NCKAP5: variants seen among roughly 807,000 people sequenced by gnomAD.
NCKAP5 encodes the protein NCK associated protein 5.
NCKAP5 carries 92 observed loss-of-function variants against 167.0 expected under a neutral mutation model. The observed-to-expected ratio is 0.55, with a 90% CI of 0.47 to 0.66. NCKAP5 has a LOEUF of 0.66. Ranked by LOEUF, NCKAP5 falls within the 30% of genes least tolerant of loss-of-function variation. NCKAP5 has a pLI of 0.00. For missense variants in NCKAP5, 2,378 were observed against 2,315.0 expected, an observed-to-expected ratio of 1.03 and a Z score of -0.56; for synonymous variants, 891 against 877.4, an observed-to-expected ratio of 1.02 and a Z score of -0.27.
chr2:133,067,133 G>A (rs1295157904), intron 6 of NCKAP5, among the ~76,000 whole-genome samples: 5 of 152,064 alleles, frequency 3.3e-5, no homozygotes, highest in African/African-American at 7.2e-5. Context: ...TCAAAGTGCT[G>A]GGATTACAGG....
Position 133,175,498 on chromosome 2 carries a change from T to G in NCKAP5, c.207+38218A>C, listed in dbSNP as rs1321878197. 3.3e-5 allele frequency among the ~76,000 whole-genome samples: 5 copies of G among 152,218 alleles called. 1 individual carries two copies. Among genetic ancestry groups the G allele is most frequent in the Admixed American group, 6.5e-5 (1 of 15,288 alleles). On this transcript the variant is annotated intron_variant, in intron 5 of 19. Transcript: ENST00000409261. ...TCTTTTCCTCTAGTACTTAGTTTCA[T>G]GTACTGTTCTTCACAGTGATTTGAA...
chr2:132,697,622 A>C (rs1360729080), intron 19 of NCKAP5, among the ~76,000 whole-genome samples: 1 of 148,072 alleles, frequency 6.8e-6, no homozygotes, highest in Non-Finnish European at 1.5e-5. Context: ...TTTTTTTTCC[A>C]TGTCCTGAAG....
the NCKAP5 span, among the ~76,000 whole-genome samples, chr2:133,646,836 G>A: frequency 2.0e-5 from 3 of 152,094 alleles, no homozygotes; most frequent in Non-Finnish European, 4.4e-5. Context: ...ATAATATAAC[G>A]TATGTAGGGA....
intron 3 of NCKAP5, among the ~76,000 whole-genome samples, chr2:133,401,208 T>C (rs1423513839): frequency 6.6e-6 from 1 of 152,216 alleles, no homozygotes; most frequent in African/African-American, 2.4e-5. Context: ...AGTGAACGCA[T>C]TGAGGTTCTG....
intron 6 of NCKAP5, among the ~76,000 whole-genome samples, chr2:133,128,891 T>C (rs34133481): frequency 0.2 from 30,428 of 151,480 alleles, 3,268 homozygotes; most frequent in Non-Finnish European, 0.24. Flanking sequence ...AACCACTGCG[T>C]CTGGCCACAT....
chr2:133,297,141 C>T (rs1269761467), intron 4 of NCKAP5, among the ~76,000 whole-genome samples: 3 of 150,260 alleles, frequency 2.0e-5, no homozygotes, highest in African/African-American at 4.9e-5. Context: ...TGTGTTTCAA[C>T]CTGAACTAGT....
chr2:133,561,649 G>A lies in NCKAP5; in HGVS notation c.-129-2532C>T, dbSNP rs547610001. Reference sequence around the variant, plus strand: ...AAATATGAGTAACTGGCTGTAATGAGAATAAAAGAAACATTGGAGGCAGGC... The same window carrying A: ...AAATATGAGTAACTGGCTGTAATGAAAATAAAAGAAACATTGGAGGCAGGC... On this transcript the variant is annotated intron_variant, in intron 1 of 19. Transcript: ENST00000409261. Among the ~76,000 whole-genome samples the A allele has an allele frequency of 5.9e-5, 9 of 152,228 alleles. No homozygotes were observed. In the South Asian group the frequency reaches 1.7e-3, roughly 28 times the overall value.
chr2:133,081,039 C>T (rs1023224708), intron 6 of NCKAP5, among the ~76,000 whole-genome samples: 4 of 152,156 alleles, frequency 2.6e-5, no homozygotes, highest in Admixed American at 6.5e-5. Context: ...CCAGGTGGGA[C>T]TCCATCCAAA....
chr2:133,605,461 T>A, the NCKAP5 span, among the ~76,000 whole-genome samples: 1 of 151,802 alleles, frequency 6.6e-6, no homozygotes, highest in East Asian at 1.9e-4. Context: ...CTAAAGGGGA[T>A]GAAGACCCGG....
intron 4 of NCKAP5, among the ~76,000 whole-genome samples, chr2:133,238,284 G>GGA (rs1416240906): frequency 1.3e-5 from 2 of 152,242 alleles, no homozygotes; most frequent in Middle Eastern, 3.4e-3. Context: ...TGAGGCTCCT[G>GGA]GAGAGAAATA....
intron 11 of NCKAP5, among the ~76,000 whole-genome samples, chr2:132,848,495 G>A (rs982623382): frequency 2.0e-5 from 3 of 152,116 alleles, no homozygotes; most frequent in African/African-American, 7.2e-5. Flanking sequence ...AAGGCTTATT[G>A]GAACACATCT....
intron 3 of NCKAP5, among the ~76,000 whole-genome samples, chr2:133,373,210 C>A (rs1685914057): frequency 6.6e-6 from 1 of 152,060 alleles, no homozygotes; most frequent in Non-Finnish European, 1.5e-5. Context: ...CAGGTGTGGC[C>A]ACCATGCCTG....
At chr2:133,616,737 G>C in the NCKAP5 span, among the ~76,000 whole-genome samples, 1 of 151,896 alleles carries the variant, frequency 6.6e-6, no homozygotes, top group African/African-American at 2.4e-5. Flanking sequence ...GGAGGAACTG[G>C]TACCATTCCT....
At chr2:133,219,463 G>A (rs2086566712) in intron 4 of NCKAP5, among the ~76,000 whole-genome samples, 1 of 152,200 alleles carries the variant, frequency 6.6e-6, no homozygotes, top group African/African-American at 2.4e-5. Context: ...TCTCTCAGGG[G>A]TCCAAGGGAC....
At chr2:133,282,242 G>A (rs61632923) in intron 4 of NCKAP5, among the ~76,000 whole-genome samples, 20,724 of 152,126 alleles carry the variant, frequency 0.14, 1,421 homozygotes, top group South Asian at 0.15. Context: ...TAATGATAAA[G>A]TATTATTATT....
At chr2:133,551,159 C>G (rs1687258599) in intron 2 of NCKAP5, among the ~76,000 whole-genome samples, 1 of 152,064 alleles carries the variant, frequency 6.6e-6, no homozygotes, top group Non-Finnish European at 1.5e-5. Context: ...CATGAAATGG[C>G]CATACTGCCC....
chr2:133,540,497 T>C (rs917188723), intron 2 of NCKAP5, among the ~76,000 whole-genome samples: 2 of 152,096 alleles, frequency 1.3e-5, no homozygotes, highest in Non-Finnish European at 2.9e-5. Context: ...AACACACGTT[T>C]TTACCTTCCC....
chr2:133,141,263 G>A (rs895778929), intron 5 of NCKAP5, among the ~76,000 whole-genome samples: 4 of 151,876 alleles, frequency 2.6e-5, no homozygotes, highest in African/African-American at 9.7e-5. Flanking sequence ...ATTCACTTTC[G>A]CTCAATAACT....
chr2:133,337,074 C>G (rs544427843), intron 3 of NCKAP5, among the ~76,000 whole-genome samples: 1 of 152,174 alleles, frequency 6.6e-6, no homozygotes, highest in African/African-American at 2.4e-5. Flanking sequence ...ATAGCTAGAA[C>G]TCAGGCCTCT....
Sources: gnomAD v4.1 joint callset for allele counts (sites outside exome capture counted in the v4.1 genomes callset) on GRCh38, gnomAD v4.1.1 for gene constraint, MANE v1.5 for transcripts, NCBI Gene and HGNC (gene_info 2026-07-23, HGNC 2026-07-21) for gene names.